Variants in PSD3 observed in about 807,000 individuals in gnomAD.
The protein encoded by PSD3 is pleckstrin and Sec7 domain containing 3, also known as PH and SEC7 domain-containing protein 3.
A neutral mutation model predicts 105.5 loss-of-function variants in PSD3; 49 were observed. The observed-to-expected ratio is 0.46, with a 90% CI of 0.37 to 0.59. The LOEUF is 0.59. Ranked by LOEUF, PSD3 falls within the 20% of genes least tolerant of loss-of-function variation. The probability of loss-of-function intolerance (pLI) is 0.00; values close to 1 mark genes in which losing one functional copy is unlikely to be tolerated. For synonymous variants in PSD3, 557 were observed against 457.8 expected (o/e 1.22, Z -2.77); for missense variants, 1,561 against 1,263.8 (o/e 1.24, Z -3.57).
rs1799688047 is a variant in PSD3 at position 18,670,013 on chromosome 8, T to G, written c.2173-14328A>C. Among the ~76,000 whole-genome samples, 3 of 152,072 alleles carry G rather than the reference T, an allele frequency of 2.0e-5. No individual in the cohort carries two copies. The South Asian group carries it at 6.2e-4, about 32-fold the overall frequency. On this transcript the variant is annotated intron_variant, in intron 9 of 15. Coordinates refer to ENST00000327040, the MANE Select transcript of PSD3 (RefSeq NM_015310.4). ...ATTTGAGTGGGGTGGAAGCAGGTAA[T>G]AAATAAGAAAAATAACAGATGACGA...
intron 1 of PSD3, among the ~76,000 whole-genome samples, chr8:19,006,371 C>G (rs190503074): frequency 6.6e-6 from 1 of 151,088 alleles, no homozygotes; most frequent in Non-Finnish European, 1.5e-5. Flanking sequence ...CTATGTTTCA[C>G]ATAGTACCTA....
In PSD3 at chr8:18,804,579, G is replaced by A. The variant is rs752487150; in HGVS notation, c.1853C>T (p.Ala618Val). 1 of 1,613,538 alleles carries A rather than the reference G, an allele frequency of 6.2e-7. No individual in the cohort carries two copies. The highest frequency in any genetic ancestry group is 8.5e-7 in the Non-Finnish European group (1 of 1,179,516). The change falls in exon 6 of 16, where the codon GCA (alanine) becomes GTA (valine). Residue 618 changes from alanine (A) to valine (V), a missense_variant. Coordinates refer to ENST00000327040, the MANE Select transcript of PSD3 (RefSeq NM_015310.4). ...GKNNEFSKLV[A>V]EEYLKFFDFT... is the part of the protein sequence containing the mutation. ...ATCAAAAAACTTCAGATATTCTTCTGCAACTAGTTTGCTAAATTCGTTGCT... is the reference window on the plus strand; with the variant it reads ...ATCAAAAAACTTCAGATATTCTTCTACAACTAGTTTGCTAAATTCGTTGCT...
chr8:18,992,092 T>C (rs1825836081), intron 1 of PSD3, among the ~76,000 whole-genome samples: 1 of 152,186 alleles, frequency 6.6e-6, no homozygotes, highest in South Asian at 2.1e-4. Context: ...AACCAGTCTA[T>C]GGTAGAACAT....
intron 11 of PSD3, among the ~76,000 whole-genome samples, chr8:18,608,229 AT>A (rs1267572415): frequency 1.3e-5 from 2 of 152,132 alleles, no homozygotes; most frequent in Non-Finnish European, 2.9e-5. Flanking sequence ...CAAAAAAAAA[AT>A]TATTTAAGAG....
rs545417412 is a variant in PSD3, at chr8:18,636,564, C to T, written c.2217-3758G>A. Among the ~76,000 whole-genome samples, 35 of 152,206 alleles carry T rather than the reference C, an allele frequency of 2.3e-4. 1 individual carries two copies. The South Asian group carries it at 7.1e-3, about 31-fold the overall frequency. Reference sequence around the variant, plus strand: ...TAGTAATGTCGTAGGCTTTCAAATCCATTCAACACTCACTCAGTCACTGAC... The same window carrying T: ...TAGTAATGTCGTAGGCTTTCAAATCTATTCAACACTCACTCAGTCACTGAC... On this transcript the variant is annotated intron_variant, in intron 10 of 15. Coordinates refer to ENST00000327040, the MANE Select transcript of PSD3 (RefSeq NM_015310.4).
intron 4 of PSD3, among the ~76,000 whole-genome samples, chr8:18,848,202 CTGTTT>C (rs1417513085): frequency 1.3e-5 from 2 of 152,204 alleles, no homozygotes; most frequent in Non-Finnish European, 2.9e-5. Context: ...AAGGCATTCA[CTGTTT>C]AACCATGTTG....
intron 9 of PSD3, among the ~76,000 whole-genome samples, chr8:18,684,602 A>G (rs926109329): frequency 1.3e-5 from 2 of 152,216 alleles, no homozygotes; most frequent in African/African-American, 4.8e-5. Flanking sequence ...AATTCAAATT[A>G]TGTTGCCATT....
intron 4 of PSD3, among the ~76,000 whole-genome samples, chr8:18,840,888 G>A (rs1200081283): frequency 6.6e-6 from 1 of 152,132 alleles, no homozygotes; most frequent in Non-Finnish European, 1.5e-5. Context: ...GTGACATTGG[G>A]CAAGTTGTCT....
At chr8:18,592,077 T>G (rs546186272) in intron 12 of PSD3, among the ~76,000 whole-genome samples, 1 of 151,854 alleles carries the variant, frequency 6.6e-6, no homozygotes, top group East Asian at 1.9e-4. Flanking sequence ...TTTCCAGAAA[T>G]TGACCGTAAA....
intron 1 of PSD3, among the ~76,000 whole-genome samples, chr8:19,053,897 T>A (rs1828615818): frequency 6.6e-6 from 1 of 152,202 alleles, no homozygotes. Context: ...AAATTTTGAT[T>A]TTTGTTCACC....
chr8:18,530,270 G>A lies in PSD3; in HGVS notation c.*5473C>T, dbSNP rs927268437. 3.9e-5 allele frequency: 6 copies of A among 152,574 alleles called. No individual in the cohort carries two copies. The highest frequency in any genetic ancestry group is 1.4e-4 in the African/African-American group (6 of 41,424). 9.5% of individuals were successfully genotyped at this position (152,574 alleles called of 1,614,324 possible). ...ACTAAGGCCAGTGGCTCTTCTTTGG[G>A]GAGAGGCAGGAAAAAGAGACCTAAG... is the stretch of plus-strand genomic sequence containing the variant. On this transcript the variant is annotated 3_prime_UTR_variant, in exon 16 of 16. Transcript: ENST00000327040.
At chr8:19,079,768 T>C (rs1563549757) in intron 1 of PSD3, among the ~76,000 whole-genome samples, 1 of 152,206 alleles carries the variant, frequency 6.6e-6, no homozygotes. Context: ...AATGTCTTGC[T>C]CCTCATGGAA....
At chr8:18,848,375 T>C (rs999611200) in intron 4 of PSD3, among the ~76,000 whole-genome samples, 1 of 152,202 alleles carries the variant, frequency 6.6e-6, no homozygotes, top group Non-Finnish European at 1.5e-5. Flanking sequence ...ACCTAGCATC[T>C]GCAGATGGAT....
chr8:18,984,013 A>T (rs1458432422), intron 1 of PSD3, among the ~76,000 whole-genome samples: 2 of 65,742 alleles, frequency 3.0e-5, no homozygotes, highest in African/African-American at 4.6e-5. Context: ...TCATTATTTA[A>T]AAAAAAAAAA....
At chr8:18,737,244 C>G (rs2129433266) in intron 9 of PSD3, among the ~76,000 whole-genome samples, 1 of 152,266 alleles carries the variant, frequency 6.6e-6, no homozygotes, top group South Asian at 2.1e-4. Context: ...CATTAGTTCA[C>G]AAATGAGAAA....
chr8:18,752,480 T>A (rs1250150916), intron 9 of PSD3, among the ~76,000 whole-genome samples: 8 of 39,204 alleles, frequency 2.0e-4, no homozygotes, highest in African/African-American at 3.1e-4. Flanking sequence ...ATATATATAT[T>A]ATTATATATA....
intron 1 of PSD3, among the ~76,000 whole-genome samples, chr8:18,980,176 G>A (rs1164540474): frequency 2.4e-4 from 36 of 152,330 alleles, no homozygotes; most frequent in African/African-American, 8.4e-4. Context: ...CGAGGTATGT[G>A]AGTGAGACTC....
At chr8:18,749,935 A>C (rs1805336314) in intron 9 of PSD3, among the ~76,000 whole-genome samples, 1 of 152,220 alleles carries the variant, frequency 6.6e-6, no homozygotes, top group African/African-American at 2.4e-5. Context: ...TCACCTTCAG[A>C]GCCTCCAGAA....
At chr8:18,729,346 C>T (rs571269012) in intron 9 of PSD3, among the ~76,000 whole-genome samples, 2 of 152,342 alleles carry the variant, frequency 1.3e-5, no homozygotes, top group South Asian at 4.1e-4. Flanking sequence ...ATCAGATTAA[C>T]TGACTCCTTT....
Sources: allele counts gnomAD v4.1 joint callset (sites outside exome capture counted in the v4.1 genomes callset), GRCh38; gene constraint gnomAD v4.1.1; transcripts MANE v1.5; gene names NCBI Gene and HGNC (gene_info 2026-07-23, HGNC 2026-07-21).